The following UNC5C variants were observed in gnomAD, a reference collection of about 807,000 sequenced individuals.
The protein encoded by UNC5C is netrin receptor UNC5C.
A neutral mutation model predicts 99.8 loss-of-function variants in UNC5C; 47 were observed. That is an observed-to-expected ratio of 0.47 (90% CI 0.37 to 0.60). The LOEUF (loss-of-function observed/expected upper bound fraction) is 0.60, where lower values mean the gene tolerates loss of function less well. Ranked by LOEUF, UNC5C falls within the 20% of genes least tolerant of loss-of-function variation. The probability of loss-of-function intolerance (pLI) is 0.00; values close to 1 mark genes in which losing one functional copy is unlikely to be tolerated. For missense variants in UNC5C, 1,062 were observed against 1,165.9 expected, an observed-to-expected ratio of 0.91 and a Z score of 1.30; for synonymous variants, 487 against 452.2, an observed-to-expected ratio of 1.08 and a Z score of -0.98.
chr4:95,524,425 A>T (rs1722446373), intron 1 of UNC5C, among the ~76,000 whole-genome samples: 1 of 152,202 alleles, frequency 6.6e-6, no homozygotes, highest in Non-Finnish European at 1.5e-5. Context: ...ACATGCACTT[A>T]AGTGGAGGCT....
chr4:95,488,857 C>G (rs1721400540), intron 1 of UNC5C, among the ~76,000 whole-genome samples: 1 of 151,726 alleles, frequency 6.6e-6, no homozygotes, highest in Non-Finnish European at 1.5e-5. Flanking sequence ...TAGCAGCTCA[C>G]TCTCACACAA....
intron 1 of UNC5C, among the ~76,000 whole-genome samples, chr4:95,408,548 A>G (rs905826095): frequency 6.6e-6 from 1 of 152,200 alleles, no homozygotes; most frequent in Non-Finnish European, 1.5e-5. Flanking sequence ...ATAGTAAAGC[A>G]TTTGTTACCA....
In UNC5C at chr4:95,387,147, A is replaced by AT. The variant is rs374635489; in HGVS notation, c.125-51517dup. Among the ~76,000 whole-genome samples the AT allele has an allele frequency of 7.1e-4, 106 of 149,912 alleles. No individual in the cohort carries two copies. In the Middle Eastern group the frequency reaches 0.01, roughly 15 times the overall value. On this transcript the variant is annotated intron_variant, in intron 1 of 15. Transcript: ENST00000453304. ...TCTATCTCACTCTCTCTCTCTTTTTATTTTTTTTTGAGACAAGGTCTCACT... is the reference window on the plus strand; with the variant it reads ...TCTATCTCACTCTCTCTCTCTTTTTATTTTTTTTTTGAGACAAGGTCTCACT...
intron 1 of UNC5C, among the ~76,000 whole-genome samples, chr4:95,498,362 A>T (rs1223777174): frequency 1.3e-5 from 2 of 152,046 alleles, no homozygotes; most frequent in African/African-American, 4.8e-5. Flanking sequence ...AAAAGGAAAG[A>T]TCATTCAGTA....
intron 1 of UNC5C, among the ~76,000 whole-genome samples, chr4:95,483,635 A>G (rs926930381): frequency 6.6e-6 from 1 of 151,826 alleles, no homozygotes; most frequent in African/African-American, 2.4e-5. Context: ...CTCAGAAGCC[A>G]TCCTTACAAT....
intron 1 of UNC5C, among the ~76,000 whole-genome samples, chr4:95,494,391 T>C (rs1041936784): frequency 6.6e-6 from 1 of 151,472 alleles, no homozygotes; most frequent in African/African-American, 2.4e-5. Flanking sequence ...AAGTTAGTGC[T>C]GATGAAATTT....
chr4:95,268,745 G>A (rs778792521), intron 4 of UNC5C, among the ~76,000 whole-genome samples: 3 of 152,196 alleles, frequency 2.0e-5, no homozygotes, highest in Non-Finnish European at 4.4e-5. Context: ...CATGAAAAGT[G>A]AGTCCAGCAA....
intron 4 of UNC5C, among the ~76,000 whole-genome samples, chr4:95,261,728 G>A (rs1407509613): frequency 6.7e-6 from 1 of 148,648 alleles, no homozygotes; most frequent in Non-Finnish European, 1.5e-5. Flanking sequence ...TTTTGAAACG[G>A]TGTCTCGCTC....
chr4:95,418,957 A>G (rs1445592391), intron 1 of UNC5C, among the ~76,000 whole-genome samples: 2 of 152,144 alleles, frequency 1.3e-5, no homozygotes, highest in Non-Finnish European at 2.9e-5. Flanking sequence ...CACTTTCTGT[A>G]TATCTGCCTT....
chr4:95,175,488 C>G (rs1217875778), intron 14 of UNC5C, among the ~76,000 whole-genome samples: 1 of 149,578 alleles, frequency 6.7e-6, no homozygotes, highest in Non-Finnish European at 1.5e-5. Context: ...TATTTTATTT[C>G]TCCTTCACTT....
chr4:95,483,738 C>G (rs1243483214), intron 1 of UNC5C, among the ~76,000 whole-genome samples: 1 of 151,768 alleles, frequency 6.6e-6, no homozygotes, highest in Non-Finnish European at 1.5e-5. Flanking sequence ...TGGCTGTAAT[C>G]TCTTATTTTT....
chr4:95,293,246 G>T (rs115545765), intron 3 of UNC5C, among the ~76,000 whole-genome samples: 1 of 150,382 alleles, frequency 6.6e-6, no homozygotes, highest in African/African-American at 2.4e-5. Context: ...AAGAAGAGAG[G>T]CAGGAAGCCA....
chr4:95,392,445 A>T lies in UNC5C; in HGVS notation c.125-56814T>A, dbSNP rs868027002. ...GTATCAAAACATTTTTTTTTTTTTTAAAAAAAAAACAGGTTTCACTCTGTC... is the reference window on the plus strand; with the variant it reads ...GTATCAAAACATTTTTTTTTTTTTTTAAAAAAAAACAGGTTTCACTCTGTC... On this transcript the variant is annotated intron_variant, in intron 1 of 15. Coordinates refer to ENST00000453304, the MANE Select transcript of UNC5C (RefSeq NM_003728.4). Among the ~76,000 whole-genome samples the T allele has an allele frequency of 8.5e-3, 918 of 108,326 alleles. 12 individuals carry two copies. The highest frequency in any genetic ancestry group is 0.027 in the African/African-American group (815 of 30,018). The allele number at this position is 108,326 out of a possible 152,430, so 71.1% of individuals were successfully genotyped here.
In UNC5C at chr4:95,216,215, A is replaced by T. The variant is rs370535259; in HGVS notation, c.1646-4T>A. The T allele has an allele frequency of 5.0e-6, 8 of 1,610,912 alleles. No homozygotes were observed. The Middle Eastern group carries it at 6.6e-4, about 133-fold the overall frequency. ...GCGGGAATCAGCAAGCTGACTCCTG[A>T]ATAGCAAAAGAGAAAAGCAGTCATT... On this transcript the variant is annotated splice_region_variant and splice_polypyrimidine_tract_variant and intron_variant, in intron 9 of 15. Coordinates refer to ENST00000453304, the MANE Select transcript of UNC5C (RefSeq NM_003728.4).
chr4:95,276,274 G>T (rs1332628129), intron 4 of UNC5C, among the ~76,000 whole-genome samples: 2 of 152,074 alleles, frequency 1.3e-5, no homozygotes, highest in African/African-American at 4.8e-5. Flanking sequence ...TCTCTCTTCT[G>T]ACTTTAAAAA....
chr4:95,522,010 AAT>A (rs1157291481), intron 1 of UNC5C, among the ~76,000 whole-genome samples: 1 of 152,154 alleles, frequency 6.6e-6, no homozygotes, highest in Non-Finnish European at 1.5e-5. Context: ...TTCTGAAAAA[AAT>A]ATGACCATAT....
chr4:95,263,393 A>G lies in UNC5C; in HGVS notation c.595-12726T>C, dbSNP rs185517006. 3.3e-4 allele frequency among the ~76,000 whole-genome samples: 51 copies of G among 152,308 alleles called. 1 individual carries two copies. The highest frequency in any genetic ancestry group is 2.9e-3 in the Admixed American group (44 of 15,300). On this transcript the variant is annotated intron_variant, in intron 4 of 15. Coordinates refer to ENST00000453304, the MANE Select transcript of UNC5C (RefSeq NM_003728.4). ...TAGCAAAAATTTTAAAGAGCACTTC[A>G]CAAAGGCATGAGAGGATAGTGGTTC...
At position 95,344,527 on chromosome 4, in the gene UNC5C, T is replaced by A. The variant is rs369149592; in HGVS notation, c.125-8896A>T. Among the ~76,000 whole-genome samples the A allele has an allele frequency of 3.8e-4, 58 of 152,162 alleles. No homozygotes were observed. The Middle Eastern group carries it at 0.01, about 27-fold the overall frequency. Reference sequence around the variant, plus strand: ...TGCAAAACTGACTGGTAATAGCAAGTATACGAAAAACACACAATATTATAA... The same window carrying A: ...TGCAAAACTGACTGGTAATAGCAAGAATACGAAAAACACACAATATTATAA... On this transcript the variant is annotated intron_variant, in intron 1 of 15. Coordinates refer to ENST00000453304, the MANE Select transcript of UNC5C (RefSeq NM_003728.4).
intron 10 of UNC5C, among the ~76,000 whole-genome samples, chr4:95,207,718 G>A (rs545476407): frequency 6.6e-6 from 1 of 152,258 alleles, no homozygotes. Context: ...GCCCTTGGAA[G>A]TCATTCGGCA....
Sources: allele counts gnomAD v4.1 joint callset (sites outside exome capture counted in the v4.1 genomes callset), GRCh38; gene constraint gnomAD v4.1.1; transcripts MANE v1.5; gene names NCBI Gene and HGNC (gene_info 2026-07-23, HGNC 2026-07-21).